Variants in AKAP9 observed in about 807,000 individuals in gnomAD.
AKAP9 encodes the protein A-kinase anchor protein 9.
In AKAP9, 311 loss-of-function variants were observed where a neutral mutation model predicts 488.5. The ratio of observed to expected loss-of-function variants is 0.64; its 90% CI spans 0.58 to 0.70. The LOEUF is 0.70. AKAP9 is among the 30% of genes least tolerant of loss of function. The pLI is 0.00. For missense variants in AKAP9, 4,215 were observed against 4,374.5 expected (o/e 0.96, Z 1.03); for synonymous variants, 1,462 against 1,483.5 (o/e 0.99, Z 0.33).
intron 14 of AKAP9, among the ~76,000 whole-genome samples, chr7:92,023,763 A>G (rs749069230): frequency 6.6e-6 from 1 of 152,082 alleles, no homozygotes; most frequent in African/African-American, 2.4e-5. Context: ...CTGATTTTTA[A>G]TCTCCTACTG....
At chr7:91,982,298 C>G (rs1430335244) in intron 3 of AKAP9, among the ~76,000 whole-genome samples, 1 of 151,974 alleles carries the variant, frequency 6.6e-6, no homozygotes, top group Non-Finnish European at 1.5e-5. Context: ...CCCATCAACT[C>G]GTCATTTACA....
In AKAP9 at chr7:92,100,927, C is replaced by T; in HGVS notation, c.10968C>T (p.Asn3656=). ...TTGCCTCTGAAAAAGAAGTATGGAA[C>T]AGAGAAAAATTGACTCTCCAGAAAT... ...AIIASEKEVW[N]REKLTLQKSL... Residue 3656 remains asparagine, a synonymous_variant, in exon 45 of 50, where the codon AAC becomes AAT. Coordinates refer to ENST00000356239, the MANE Select transcript of AKAP9 (RefSeq NM_005751.5). 6.2e-7 allele frequency: 1 copy of T among 1,614,070 alleles called. No individual in the cohort carries two copies. The highest frequency in any genetic ancestry group is 8.5e-7 in the Non-Finnish European group (1 of 1,180,018).
chr7:92,057,517 G>T, intron 22 of AKAP9: 1 of 178,702 alleles, frequency 5.6e-6, no homozygotes, highest in Non-Finnish European at 1.2e-5. Context: ...TATAGGTAAA[G>T]ACATTAAACC....
At chr7:92,026,225 G>T (rs1013686419) in intron 14 of AKAP9, among the ~76,000 whole-genome samples, 1 of 152,144 alleles carries the variant, frequency 6.6e-6, no homozygotes, top group Non-Finnish European at 1.5e-5. Context: ...GGGGAACAAT[G>T]AATTAAGTTT....
intron 44 of AKAP9, 143 bp downstream of exon 44, chr7:92,100,012 CAAT>C (rs1817258429): frequency 5.8e-6 from 4 of 687,734 alleles, no homozygotes; most frequent in African/African-American, 3.6e-5. Flanking sequence ...ATAGGGATGA[CAAT>C]AATAATATTA....
Position 92,070,226 on chromosome 7 carries a change from CTAACT to C in AKAP9, c.6507+24_6507+28del, listed in dbSNP as rs1157210232. On this transcript the variant is annotated intron_variant, in intron 27 of 49. Coordinates refer to ENST00000356239, the MANE Select transcript of AKAP9 (RefSeq NM_005751.5). ...CAAAAGGTGTGGCATTTTATTTGGG[CTAACT>C]TAATAAGTGTTTTAATGAAGAATAC... 1 of 1,612,924 alleles carries C rather than the reference CTAACT, an allele frequency of 6.2e-7. No individual in the cohort carries two copies. The highest frequency in any genetic ancestry group is 1.7e-5 in the Admixed American group (1 of 60,000).
intron 16 of AKAP9, among the ~76,000 whole-genome samples, chr7:92,036,299 TCTCC>T (rs1805186749): frequency 6.6e-6 from 1 of 151,942 alleles, no homozygotes; most frequent in Non-Finnish European, 1.5e-5. Flanking sequence ...TGTTCTCTTT[TCTCC>T]TTTTTTTTTA....
chr7:92,039,444 A>G (rs1216822943), intron 17 of AKAP9, among the ~76,000 whole-genome samples: 1 of 152,206 alleles, frequency 6.6e-6, no homozygotes, highest in Non-Finnish European at 1.5e-5. Context: ...ATATAACAAC[A>G]TTAGAAGGAA....
intron 1 of AKAP9, among the ~76,000 whole-genome samples, chr7:91,949,160 T>A (rs979425916): frequency 6.6e-6 from 1 of 151,294 alleles, no homozygotes; most frequent in African/African-American, 2.4e-5. Flanking sequence ...GTATATAAAA[T>A]ATATATATAT....
rs188519867 is a variant in AKAP9 at position 92,067,364 on chromosome 7, A to G, written c.6330+818A>G. ...CCTGATTAGCCACTACCAGAGAAAG[A>G]CAAGCATAAAACATTTTTCTTCTTC... On this transcript the variant is annotated intron_variant, in intron 26 of 49. Coordinates refer to ENST00000356239, the MANE Select transcript of AKAP9 (RefSeq NM_005751.5). Among the ~76,000 whole-genome samples the G allele has an allele frequency of 1.3e-4, 20 of 152,336 alleles. No individual in the cohort carries two copies. In the East Asian group the frequency reaches 3.7e-3, roughly 28 times the overall value.
chr7:92,061,250 C>G lies in AKAP9; in HGVS notation c.5602-10C>G. 4 of 1,611,140 alleles carry G rather than the reference C, an allele frequency of 2.5e-6. No homozygotes were observed. The highest frequency in any genetic ancestry group is 3.4e-6 in the Non-Finnish European group (4 of 1,178,056). On this transcript the variant is annotated splice_polypyrimidine_tract_variant and intron_variant, in intron 22 of 49. Transcript: ENST00000356239. ...ATTTTCTTTTATGTATTGTTTCCCT[C>G]TTTGTTTAGCTTGAACATGCGAAAG...
intron 1 of AKAP9, among the ~76,000 whole-genome samples, chr7:91,953,394 T>G (rs533571077): frequency 2.0e-5 from 3 of 152,236 alleles, no homozygotes; most frequent in Admixed American, 1.3e-4. Context: ...GTTATGAGGT[T>G]GGACTGGACC....
chr7:91,944,797 A>G (rs1392534990), intron 1 of AKAP9, among the ~76,000 whole-genome samples: 1 of 152,276 alleles, frequency 6.6e-6, no homozygotes, highest in Non-Finnish European at 1.5e-5. Flanking sequence ...CAGAATAACT[A>G]GGTTTCCTAT....
intron 26 of AKAP9, 83 bp from the exon 27 acceptor site, chr7:92,069,947 C>A: frequency 1.6e-6 from 2 of 1,275,380 alleles, no homozygotes; most frequent in Non-Finnish European, 2.2e-6. Context: ...TTGTAGATAT[C>A]CAAAATGAGG....
intron 22 of AKAP9, chr7:92,058,342 T>C: frequency 1.7e-6 from 1 of 573,536 alleles, no homozygotes; most frequent in Non-Finnish European, 3.5e-6. Context: ...CTATTTTCCA[T>C]TTTATTCATA....
At chr7:91,943,312 A>G (rs1463529900) in intron 1 of AKAP9, among the ~76,000 whole-genome samples, 1 of 152,252 alleles carries the variant, frequency 6.6e-6, no homozygotes, top group Non-Finnish European at 1.5e-5. Context: ...CATTAAGATT[A>G]TGAAGACTGA....
At chr7:92,091,479 G>A (rs1050915302) in intron 38 of AKAP9, among the ~76,000 whole-genome samples, 7 of 151,588 alleles carry the variant, frequency 4.6e-5, no homozygotes, top group African/African-American at 1.5e-4. Context: ...CCAGCTACTC[G>A]GGAGGCTGAG....
intron 11 of AKAP9, 93 bp from the exon 12 acceptor site, chr7:92,016,924 T>G (rs1584135768): frequency 1.0e-6 from 1 of 1,001,936 alleles, no homozygotes; most frequent in African/African-American, 1.6e-5. Flanking sequence ...GCAGGCAATT[T>G]TTTTAAGTTA....
chr7:91,988,404 A>C (rs1198146107), intron 3 of AKAP9, among the ~76,000 whole-genome samples: 2 of 148,810 alleles, frequency 1.3e-5, no homozygotes, highest in Non-Finnish European at 3.0e-5. Context: ...CAGGAGTTTG[A>C]GTTTGCAATG....
Sources: gnomAD v4.1 joint callset for allele counts (sites outside exome capture counted in the v4.1 genomes callset) on GRCh38, gnomAD v4.1.1 for gene constraint, MANE v1.5 for transcripts, NCBI Gene and HGNC (gene_info 2026-07-23, HGNC 2026-07-21) for gene names.